Variants in CNTNAP5 observed in about 807,000 individuals in gnomAD.
The protein encoded by CNTNAP5 is contactin-associated protein-like 5.
Under a neutral mutation model 150.2 loss-of-function variants are expected in CNTNAP5, and 72 were observed. That is an observed-to-expected ratio of 0.48 (90% confidence interval 0.40 to 0.58). The LOEUF is 0.58. Ranked by LOEUF, CNTNAP5 falls within the 20% of genes least tolerant of loss-of-function variation. The pLI is 0.00. For missense variants in CNTNAP5, 1,636 were observed against 1,626.2 expected (o/e 1.01, Z -0.10); for synonymous variants, 672 against 619.8 (o/e 1.08, Z -1.25).
chr2:124,720,722 C>T (rs75124097), intron 13 of CNTNAP5, among the ~76,000 whole-genome samples: 6,835 of 152,202 alleles, frequency 0.045, 544 homozygotes, highest in African/African-American at 0.16. Flanking sequence ...AAAATGTCAA[C>T]TTTGAATCAA....
intron 19 of CNTNAP5, among the ~76,000 whole-genome samples, chr2:124,822,016 T>A (rs1218203677): frequency 6.6e-6 from 1 of 152,180 alleles, no homozygotes; most frequent in Non-Finnish European, 1.5e-5. Context: ...TACTGACTGA[T>A]CTTCATGTTG....
intron 5 of CNTNAP5, among the ~76,000 whole-genome samples, chr2:124,440,262 A>T (rs1014009119): frequency 2.0e-5 from 3 of 152,200 alleles, no homozygotes; most frequent in African/African-American, 7.2e-5. Flanking sequence ...GATTCTGATG[A>T]TCTGATAGAG....
chr2:124,672,626 G>A (rs553046526), intron 13 of CNTNAP5, among the ~76,000 whole-genome samples: 32 of 152,236 alleles, frequency 2.1e-4, no homozygotes, highest in Admixed American at 1.0e-3. Context: ...AATGAGAGAT[G>A]TTAACTTCTC....
At chr2:124,652,033 C>T (rs1301401168) in intron 13 of CNTNAP5, among the ~76,000 whole-genome samples, 2 of 152,116 alleles carry the variant, frequency 1.3e-5, no homozygotes, top group Non-Finnish European at 2.9e-5. Context: ...ACCACTGGGC[C>T]TTTTTCATTC....
intron 3 of CNTNAP5, among the ~76,000 whole-genome samples, chr2:124,252,033 GC>G (rs1482647939): frequency 6.6e-6 from 1 of 152,158 alleles, no homozygotes; most frequent in Non-Finnish European, 1.5e-5. Context: ...CAGTGCAGGT[GC>G]AAATGACAGT....
intron 19 of CNTNAP5, among the ~76,000 whole-genome samples, chr2:124,850,133 A>G (rs2104702292): frequency 6.6e-6 from 1 of 152,328 alleles, no homozygotes; most frequent in South Asian, 2.1e-4. Flanking sequence ...TAGTTCCTAG[A>G]ACAAAATGGG....
chr2:124,911,207 C>A (rs1678648041), intron 22 of CNTNAP5, among the ~76,000 whole-genome samples: 1 of 151,848 alleles, frequency 6.6e-6, no homozygotes, highest in Non-Finnish European at 1.5e-5. Flanking sequence ...GACAGGATAC[C>A]ACCATCCTCT....
chr2:124,708,178 A>T (rs1422164291), intron 13 of CNTNAP5, among the ~76,000 whole-genome samples: 1 of 152,192 alleles, frequency 6.6e-6, no homozygotes, highest in African/African-American at 2.4e-5. Context: ...CTTTAACTCA[A>T]ATAGTCAAAA....
chr2:124,222,934 G>T (rs1325235974), intron 2 of CNTNAP5, among the ~76,000 whole-genome samples: 1 of 152,032 alleles, frequency 6.6e-6, no homozygotes, highest in Non-Finnish European at 1.5e-5. Flanking sequence ...TGAGAAAGCT[G>T]TTTAAGAATA....
At chr2:124,540,291 T>G (rs1695346912) in intron 10 of CNTNAP5, among the ~76,000 whole-genome samples, 1 of 152,188 alleles carries the variant, frequency 6.6e-6, no homozygotes, top group South Asian at 2.1e-4. Flanking sequence ...TAACTCTAGG[T>G]TTATAGGTTT....
intron 11 of CNTNAP5, among the ~76,000 whole-genome samples, chr2:124,574,507 AC>A (rs772560526): frequency 2.8e-4 from 42 of 152,246 alleles, no homozygotes; most frequent in South Asian, 4.1e-4. Flanking sequence ...GTATTAATTT[AC>A]ACTGTTACCT....
intron 19 of CNTNAP5, among the ~76,000 whole-genome samples, chr2:124,804,015 CCACTT>C: frequency 6.6e-6 from 1 of 152,344 alleles, no homozygotes; most frequent in Admixed American, 6.5e-5. Flanking sequence ...TAAGCCCTGA[CCACTT>C]CAGTCTCTGG....
chr2:124,211,515 C>T (rs972972388), intron 1 of CNTNAP5, among the ~76,000 whole-genome samples: 1 of 134,526 alleles, frequency 7.4e-6, no homozygotes, highest in African/African-American at 2.9e-5. Context: ...GTCTCCAACA[C>T]ACACACAAAC....
At chr2:124,186,642 A>G (rs976749548) in intron 1 of CNTNAP5, among the ~76,000 whole-genome samples, 1 of 152,126 alleles carries the variant, frequency 6.6e-6, no homozygotes, top group Non-Finnish European at 1.5e-5. Flanking sequence ...GAGGGCGGAG[A>G]TGTCTCCATG....
At chr2:124,786,423 G>GAAAGA (rs1347226918) in intron 17 of CNTNAP5, among the ~76,000 whole-genome samples, 2 of 108,216 alleles carry the variant, frequency 1.8e-5, no homozygotes, top group African/African-American at 8.6e-5. Context: ...AGGAAGGAAG[G>GAAAGA]AAGGAAGGAA....
chr2:124,280,084 CTGAT>C (rs1687976155), intron 3 of CNTNAP5, among the ~76,000 whole-genome samples: 1 of 151,972 alleles, frequency 6.6e-6, no homozygotes. Flanking sequence ...GTTTCAAGAC[CTGAT>C]TGTCATCCTT....
intron 1 of CNTNAP5, among the ~76,000 whole-genome samples, chr2:124,213,775 G>A (rs1040672941): frequency 1.3e-5 from 2 of 152,100 alleles, no homozygotes; most frequent in Non-Finnish European, 2.9e-5. Context: ...AAAAAAATCA[G>A]TGGCAACATC....
At chr2:124,453,594 A>G (rs1335722788) in intron 6 of CNTNAP5, among the ~76,000 whole-genome samples, 1 of 152,188 alleles carries the variant, frequency 6.6e-6, no homozygotes, top group Non-Finnish European at 1.5e-5. Context: ...CATTATCTAA[A>G]GTTAAGATGA....
intron 1 of CNTNAP5, among the ~76,000 whole-genome samples, chr2:124,057,766 A>C (rs901007607): frequency 2.6e-5 from 4 of 151,990 alleles, no homozygotes; most frequent in African/African-American, 7.3e-5. Flanking sequence ...TGGGAAGGTA[A>C]TGAGAGGGCA....
Sources: gnomAD v4.1 joint callset for allele counts (sites outside exome capture counted in the v4.1 genomes callset) on GRCh38, gnomAD v4.1.1 for gene constraint, MANE v1.5 for transcripts, NCBI Gene and HGNC (gene_info 2026-07-23, HGNC 2026-07-21) for gene names.